Variants in PCSK5 observed in about 807,000 individuals in gnomAD.
The protein encoded by PCSK5 is proprotein convertase subtilisin/kexin type 5.
Under a neutral mutation model 233.2 loss-of-function variants are expected in PCSK5, and 129 were observed. That is an observed-to-expected ratio of 0.55 (90% CI 0.48 to 0.64). The LOEUF (loss-of-function observed/expected upper bound fraction) is 0.64. Ranked by LOEUF, PCSK5 falls within the 30% of genes least tolerant of loss-of-function variation. The pLI is 0.00. For missense variants in PCSK5, 2,076 were observed against 2,430.1 expected (o/e 0.85, Z 3.06); for synonymous variants, 825 against 879.2 (o/e 0.94, Z 1.09).
At position 76,207,043 on chromosome 9, in the gene PCSK5, C is replaced by G. The variant is rs947736242; in HGVS notation, c.2626+17297C>G. On this transcript the variant is annotated intron_variant, in intron 20 of 37. Coordinates refer to ENST00000674117, the MANE Select transcript of PCSK5 (RefSeq NM_001372043.1). ...CCCCTTCCTCCATCTTCAAAGCCAG[C>G]AGTAGCCTCGTTAAATCTCTCACTC... 7.9e-5 allele frequency among the ~76,000 whole-genome samples: 12 copies of G among 152,202 alleles called. No homozygotes were observed. The East Asian group carries it at 9.7e-4, about 12-fold the overall frequency.
At chr9:75,904,134 A>C (rs1306642462) in intron 1 of PCSK5, among the ~76,000 whole-genome samples, 1 of 152,100 alleles carries the variant, frequency 6.6e-6, no homozygotes, top group Non-Finnish European at 1.5e-5. Flanking sequence ...GGATGATGTC[A>C]TTGCTCCTGG....
At chr9:76,293,641 G>C (rs751859219) in intron 25 of PCSK5, among the ~76,000 whole-genome samples, 35 of 152,128 alleles carry the variant, frequency 2.3e-4, no homozygotes, top group Non-Finnish European at 4.9e-4. Flanking sequence ...GCAGAGACAG[G>C]GTTTCGCCAT....
intron 24 of PCSK5, among the ~76,000 whole-genome samples, chr9:76,252,064 G>A (rs561638645): frequency 1.3e-5 from 2 of 152,180 alleles, no homozygotes; most frequent in South Asian, 2.1e-4. Context: ...TCAGGAGATC[G>A]AGACCATCCT....
rs1047754865 is a variant in PCSK5 at position 76,360,479 on chromosome 9, A to G, written c.*1557A>G. 3.3e-5 allele frequency: 5 copies of G among 152,252 alleles called. No individual in the cohort carries two copies. Among genetic ancestry groups the G allele is most frequent in the African/African-American group, 1.2e-4 (5 of 41,470 alleles). The allele number at this position is 152,252 out of a possible 1,614,324, so 9.4% of individuals were successfully genotyped here. A position where few individuals can be genotyped will look rare whatever the true frequency, so the allele number is the denominator to read the frequency against. On this transcript the variant is annotated 3_prime_UTR_variant, in exon 38 of 38. Coordinates refer to ENST00000674117, the MANE Select transcript of PCSK5 (RefSeq NM_001372043.1). ...AGGTGGGAAAATAAGCATCCTAAAT[A>G]TAATTAAAGTCATGCCTATTGTTTT...
At chr9:75,996,211 A>C (rs1364112180) in intron 3 of PCSK5, among the ~76,000 whole-genome samples, 1 of 152,346 alleles carries the variant, frequency 6.6e-6, no homozygotes, top group East Asian at 1.9e-4. Flanking sequence ...TCCCAACTGA[A>C]TTAAAGTTCC....
At chr9:76,200,462 C>A (rs1824870174) in intron 20 of PCSK5, among the ~76,000 whole-genome samples, 1 of 152,178 alleles carries the variant, frequency 6.6e-6, no homozygotes, top group Non-Finnish European at 1.5e-5. Context: ...CACCACATGA[C>A]ATTTTATGGT....
chr9:76,296,230 G>T (rs1357090672), intron 26 of PCSK5, among the ~76,000 whole-genome samples: 1 of 152,170 alleles, frequency 6.6e-6, no homozygotes, highest in East Asian at 1.9e-4. Flanking sequence ...CTCCCAAAGT[G>T]CTGGGATTAC....
intron 24 of PCSK5, among the ~76,000 whole-genome samples, chr9:76,248,833 G>A (rs1183712297): frequency 6.6e-6 from 1 of 152,162 alleles, no homozygotes; most frequent in Non-Finnish European, 1.5e-5. Flanking sequence ...ATCCAGGTTT[G>A]AGTGCAGTGG....
At chr9:76,044,622 G>A (rs764070869) in intron 5 of PCSK5, among the ~76,000 whole-genome samples, 12 of 152,272 alleles carry the variant, frequency 7.9e-5, no homozygotes, top group Non-Finnish European at 1.5e-4. Context: ...CAACCCTTTT[G>A]TAATAACTTT....
intron 5 of PCSK5, among the ~76,000 whole-genome samples, chr9:76,032,798 T>C (rs147440662): frequency 1.3e-4 from 20 of 152,330 alleles, no homozygotes; most frequent in African/African-American, 4.6e-4. Flanking sequence ...GTCTGAGTTA[T>C]ATCAGCCCCT....
Position 75,980,514 on chromosome 9 carries a change from G to A in PCSK5, c.298-5618G>A, listed in dbSNP as rs59712713. Among the ~76,000 whole-genome samples, 351 of 152,238 alleles carry A rather than the reference G, an allele frequency of 2.3e-3. 2 individuals are homozygous for A. The highest frequency in any genetic ancestry group is 7.5e-3 in the African/African-American group (312 of 41,562). ...ATAAGATTCAAAATGTCTGTTTCAA[G>A]CAAATCAAGTAAAACTTCTCCATCA... On this transcript the variant is annotated intron_variant, in intron 2 of 37. Coordinates refer to ENST00000674117, the MANE Select transcript of PCSK5 (RefSeq NM_001372043.1).
intron 2 of PCSK5, among the ~76,000 whole-genome samples, chr9:75,973,076 C>G (rs1825872285): frequency 7.6e-6 from 1 of 132,448 alleles, no homozygotes; most frequent in Admixed American, 7.3e-5. Flanking sequence ...CCTCAGTCTC[C>G]CTGGTAAAAA....
chr9:76,047,866 T>G (rs917833047), intron 5 of PCSK5, among the ~76,000 whole-genome samples: 2 of 152,196 alleles, frequency 1.3e-5, no homozygotes, highest in African/African-American at 4.8e-5. Context: ...TAGTCATTCT[T>G]GTATCAAACA....
At chr9:75,902,240 AAAAGAAAAG>A (rs1564070382) in intron 1 of PCSK5, among the ~76,000 whole-genome samples, 7 of 140,586 alleles carry the variant, frequency 5.0e-5, no homozygotes, top group African/African-American at 2.2e-4. Context: ...AAAAAAAAAA[AAAAGAAAAG>A]GACAAAACAA....
At chr9:76,173,147 C>A (rs1823400255) in intron 13 of PCSK5, among the ~76,000 whole-genome samples, 1 of 152,166 alleles carries the variant, frequency 6.6e-6, no homozygotes, top group African/African-American at 2.4e-5. Context: ...TGTTAGTACC[C>A]ACCTTAGAGT....
chr9:75,941,184 G>A (rs1006844431), intron 2 of PCSK5, among the ~76,000 whole-genome samples: 2 of 152,170 alleles, frequency 1.3e-5, no homozygotes, highest in Non-Finnish European at 2.9e-5. Context: ...CTGCTCTTCA[G>A]TTTTAAATGC....
intron 2 of PCSK5, among the ~76,000 whole-genome samples, chr9:75,944,499 C>T (rs779371531): frequency 3.3e-5 from 5 of 152,090 alleles, no homozygotes; most frequent in Non-Finnish European, 5.9e-5. Flanking sequence ...TCTGACTCCA[C>T]CTTTCACTTG....
chr9:76,211,421 C>A (rs1481924663), intron 20 of PCSK5, among the ~76,000 whole-genome samples: 1 of 152,320 alleles, frequency 6.6e-6, no homozygotes, highest in East Asian at 1.9e-4. Flanking sequence ...TTGGGGCAAG[C>A]TGTAGAAACT....
chr9:76,302,019 C>A, intron 27 of PCSK5, 118 bp from the exon 28 acceptor site: 2 of 398,748 alleles, frequency 5.0e-6, no homozygotes, highest in South Asian at 2.0e-5. Context: ...ATGAGACATC[C>A]ATGTACCACA....
Sources: allele counts gnomAD v4.1 joint callset (sites outside exome capture counted in the v4.1 genomes callset), GRCh38; gene constraint gnomAD v4.1.1; transcripts MANE v1.5; gene names NCBI Gene and HGNC (gene_info 2026-07-23, HGNC 2026-07-21).